PLIN4: variants seen among roughly 807,000 people sequenced by gnomAD.
PLIN4 encodes perilipin-4.
PLIN4 carries 57 observed loss-of-function variants against 52.4 expected under a neutral mutation model. The observed-to-expected ratio is 1.09, with a 90% confidence interval of 0.88 to 1.36. The LOEUF (loss-of-function observed/expected upper bound fraction) is 1.36, where lower values mean the gene tolerates loss of function less well. Ranked by LOEUF, PLIN4 falls within the 40% of genes most tolerant of loss-of-function variation. The pLI is 0.00. For missense variants in PLIN4, 1,757 were observed against 1,770.3 expected (o/e 0.99, Z 0.13); for synonymous variants, 826 against 785.4 (o/e 1.05, Z -0.86).
rs970156300 is a variant in PLIN4 at position 4,503,262 on chromosome 19, G to C, written c.*1197C>G. 1 of 152,480 alleles carries C rather than the reference G, an allele frequency of 6.6e-6. No homozygotes were observed. Among genetic ancestry groups the C allele is most frequent in the Non-Finnish European group, 1.5e-5 (1 of 68,256 alleles). The allele number at this position is 152,480 out of a possible 1,614,324, so 9.4% of individuals were successfully genotyped here. On this transcript the variant is annotated 3_prime_UTR_variant, in exon 8 of 8. Coordinates refer to ENST00000301286, the MANE Select transcript of PLIN4 (RefSeq NM_001367868.2). ...GGGGACGACAAGGTTCTCTTACCGG[G>C]TGAGTGGGGATATGGCTTCCTGGGG...
intron 2 of PLIN4, among the ~76,000 whole-genome samples, 165 bp from the exon 3 acceptor site, chr19:4,517,863 T>C (rs894107979): frequency 1.3e-5 from 2 of 152,288 alleles, no homozygotes; most frequent in Admixed American, 6.5e-5. Context: ...ACCTGGGCAA[T>C]GGGCAGACTC....
intron 5 of PLIN4, among the ~76,000 whole-genome samples, chr19:4,509,775 A>G (rs1976229059): frequency 1.3e-5 from 2 of 151,914 alleles, no homozygotes; most frequent in Admixed American, 1.3e-4. Flanking sequence ...CAAAAAACAT[A>G]CAAAAAAATA....
At position 4,512,150 on chromosome 19, in the gene PLIN4, C is replaced by T; in HGVS notation, c.1810G>A (p.Gly604Arg). 1 of 1,609,982 alleles carries T rather than the reference C, an allele frequency of 6.2e-7. No homozygotes were observed. The highest frequency in any genetic ancestry group is 2.2e-5 in the East Asian group (1 of 44,774). Residue 604 changes from glycine to arginine, a missense_variant, in exon 5 of 8, where the codon GGG becomes AGG. Coordinates refer to ENST00000301286, the MANE Select transcript of PLIN4 (RefSeq NM_001367868.2). ...LTGTKDTVTT[G>R]LVGAVNVAKG... ...GCGACATTCACTGCCCCCACGAGCC[C>T]AGTAGTCACTGTGTCCTTGGTGCCG...
rs771944313 is a variant in PLIN4 at position 4,510,494 on chromosome 19, A to G, written c.3466T>C (p.Leu1156=). Residue 1156 remains leucine (L), a synonymous_variant, in exon 5 of 8, where the codon TTG becomes CTG. Coordinates refer to ENST00000301286, the MANE Select transcript of PLIN4 (RefSeq NM_001367868.2). The part of the protein sequence containing the change: ...APRLAMLQNE[L]EGLGDIFHPM... ...TGGAAGATGTCCCCCAGCCCCTCCA[A>G]CTCATTCTGCAGCATTGCCAAGCGT... The G allele has an allele frequency of 6.8e-6, 10 of 1,463,050 alleles. No individual in the cohort carries two copies. The highest frequency in any genetic ancestry group is 6.3e-6 in the Non-Finnish European group (7 of 1,106,582). The allele number at this position is 1,463,050 out of a possible 1,614,324, so 90.6% of individuals were successfully genotyped here. A position where few individuals can be genotyped will look rare whatever the true frequency, so the allele number is the denominator to read the frequency against.
chr19:4,514,059 T>C (rs2145296656), intron 4 of PLIN4, among the ~76,000 whole-genome samples: 1 of 152,374 alleles, frequency 6.6e-6, no homozygotes, highest in Non-Finnish European at 1.5e-5. Context: ...ACGCAGGTCC[T>C]ACAGTTACAT....
intron 6 of PLIN4, among the ~76,000 whole-genome samples, chr19:4,507,041 G>T (rs1024100852): frequency 6.6e-6 from 1 of 152,172 alleles, no homozygotes; most frequent in African/African-American, 2.4e-5. Context: ...TCTCCACCAG[G>T]GGCTTCCCCC....
chr19:4,507,832 G>A (rs1422554931), intron 6 of PLIN4, among the ~76,000 whole-genome samples: 1 of 152,120 alleles, frequency 6.6e-6, no homozygotes, highest in Non-Finnish European at 1.5e-5. Context: ...GCTCCCTGCA[G>A]GGACCAGGAT....
intron 5 of PLIN4, among the ~76,000 whole-genome samples, chr19:4,509,627 A>C (rs1976224289): frequency 1.3e-5 from 2 of 152,030 alleles, no homozygotes; most frequent in African/African-American, 4.8e-5. Flanking sequence ...TCTGCCTCAA[A>C]AATAAATAAG....
At position 4,510,770 on chromosome 19, in the gene PLIN4, A is replaced by C. The variant is rs1258690672; in HGVS notation, c.3190T>G (p.Trp1064Gly). The change falls in exon 5 of 8, where the codon TGG becomes GGG. Residue 1064 changes from tryptophan (W) to glycine (G), a missense_variant. Around this residue, in one of 7 missense-constraint regions of PLIN4, gnomAD observed 712 missense variants for 637.1 expected, o/e 1.12. Transcript: ENST00000301286. ...GTCCTGGAACTGGTGAGTCCACCCC[A>C]GGAGGTGGCGGGGGTACTAGGTAAC... ...NWLPSTPATS[W>G]GGLTSSRTTD... 1 of 1,577,284 alleles carries C rather than the reference A, an allele frequency of 6.3e-7. No individual in the cohort carries two copies. The highest frequency in any genetic ancestry group is 8.6e-7 in the Non-Finnish European group (1 of 1,159,058).
rs2145234071 is a variant in PLIN4 at position 4,502,806 on chromosome 19, T to G, written c.*1653A>C. On this transcript the variant is annotated 3_prime_UTR_variant, in exon 8 of 8. Transcript: ENST00000301286. ...AGCAAGTCACCCCGTGCTCCGAAGT[T>G]GCTCATTCCACAGTGGCGTCTCGTG... 1 of 152,858 alleles carries G rather than the reference T, an allele frequency of 6.5e-6. No homozygotes were observed. Among genetic ancestry groups the G allele is most frequent in the East Asian group, 1.9e-4 (1 of 5,184 alleles). 9.5% of individuals were successfully genotyped at this position (152,858 alleles called of 1,614,324 possible).
chr19:4,516,007 G>T (rs2145302892), intron 4 of PLIN4, among the ~76,000 whole-genome samples: 1 of 150,528 alleles, frequency 6.6e-6, no homozygotes, highest in South Asian at 2.1e-4. Context: ...AGGCGCAGTG[G>T]CTAATGCCTG....
intron 4 of PLIN4, among the ~76,000 whole-genome samples, chr19:4,513,913 G>A (rs935971603): frequency 8.5e-5 from 13 of 152,164 alleles, no homozygotes; most frequent in African/African-American, 3.1e-4. Flanking sequence ...CTGGCTCTCC[G>A]GGATGAAGTC....
chr19:4,512,467 G>C lies in PLIN4; in HGVS notation c.1493C>G (p.Thr498Ser). Reference sequence around the variant, plus strand: ...GAGCCCAGTGGACACAGCATCTTTAGTGCCAGTCAGGACAGACTTTGTAGT... The same window carrying C: ...GAGCCCAGTGGACACAGCATCTTTACTGCCAGTCAGGACAGACTTTGTAGT... ...LDTTKSVLTGTKDAVSTGLTG... is the reference protein window; with the variant it reads ...LDTTKSVLTGSKDAVSTGLTG... The change falls in exon 5 of 8, where the codon ACT becomes AGT. Residue 498 changes from threonine to serine, a missense_variant. Coordinates refer to ENST00000301286, the MANE Select transcript of PLIN4 (RefSeq NM_001367868.2). 1 of 1,605,854 alleles carries C rather than the reference G, an allele frequency of 6.2e-7. No homozygotes were observed. Among genetic ancestry groups the C allele is most frequent in the African/African-American group, 1.4e-5 (1 of 73,534 alleles).
rs73920825 is a variant in PLIN4, at chr19:4,511,713, T to C, written c.2247A>G (p.Gln749=). 0.84 allele frequency: 1,097,855 copies of C among 1,308,392 alleles called. 446,013 individuals carry two copies. Among genetic ancestry groups the C allele is most frequent in the East Asian group, 0.91 (30,172 of 33,106 alleles). The allele number at this position is 1,308,392 out of a possible 1,614,324, so 81.0% of individuals were successfully genotyped here. Residue 749 remains glutamine (Q), a synonymous_variant, in exon 5 of 8, where the codon CAA becomes CAG. Transcript: ENST00000301286. The part of the protein sequence containing the change: ...GAANVAKGAI[Q]GGLDTTKSVL... ...CAGACTTTGTAGTGTCCAGGCCCCCTTGGATGGCCCCTTTGGCCACATTCG... is the reference window on the plus strand; with the variant it reads ...CAGACTTTGTAGTGTCCAGGCCCCCCTGGATGGCCCCTTTGGCCACATTCG...
Position 4,516,609 on chromosome 19 carries a change from C to T in PLIN4, c.258+8G>A, listed in dbSNP as rs779750853. ...CCACATCAGACCCTGCCCTGCACAT[C>T]CTCTCACCTTTTCCGAAGGTTGCAG... On this transcript the variant is annotated splice_region_variant and intron_variant, in intron 4 of 7. Coordinates refer to ENST00000301286, the MANE Select transcript of PLIN4 (RefSeq NM_001367868.2). 1.3e-5 allele frequency: 21 copies of T among 1,601,410 alleles called. No individual in the cohort carries two copies. The highest frequency in any genetic ancestry group is 6.9e-5 in the Admixed American group (4 of 58,340).
At chr19:4,513,819 G>C in intron 4 of PLIN4, 118 bp from the exon 5 acceptor site, 1 of 1,289,964 alleles carries the variant, frequency 7.8e-7, no homozygotes, top group African/African-American at 1.5e-5. Flanking sequence ...GCACCCAGAG[G>C]CCCCACCTCC....
At position 4,502,418 on chromosome 19, in the gene PLIN4, CAAGAGGGACAA is replaced by C. The variant is rs1975943273; in HGVS notation, c.*2030_*2040del. ...GCGGGAGCAAGCTCTTCCCAGGAGACAAGAGGGACAAACCAGGGCATCTAAGCTGTGCTGCC... is the reference window on the plus strand; with the variant it reads ...GCGGGAGCAAGCTCTTCCCAGGAGACACCAGGGCATCTAAGCTGTGCTGCC... On this transcript the variant is annotated 3_prime_UTR_variant, in exon 8 of 8. Coordinates refer to ENST00000301286, the MANE Select transcript of PLIN4 (RefSeq NM_001367868.2). The C allele has an allele frequency of 2.9e-6, 1 of 339,352 alleles. No individual in the cohort carries two copies. Among genetic ancestry groups the C allele is most frequent in the African/African-American group, 2.2e-5 (1 of 45,314 alleles). The allele number at this position is 339,352 out of a possible 1,614,324, so 21.0% of individuals were successfully genotyped here. A position where few individuals can be genotyped will look rare whatever the true frequency, so the allele number is the denominator to read the frequency against.
intron 2 of PLIN4, 131 bp downstream of exon 2, chr19:4,518,091 A>G: frequency 1.2e-6 from 1 of 805,030 alleles, no homozygotes; most frequent in South Asian, 5.3e-5. Flanking sequence ...CATGGCTCCC[A>G]GACCGCCCCC....
At chr19:4,509,689 C>T (rs1271017320) in intron 5 of PLIN4, among the ~76,000 whole-genome samples, 1 of 152,168 alleles carries the variant, frequency 6.6e-6, no homozygotes, top group East Asian at 1.9e-4. Context: ...CCTGTAATCC[C>T]AGCACTTTGG....
Sources: allele counts gnomAD v4.1 joint callset (sites outside exome capture counted in the v4.1 genomes callset), GRCh38; gene constraint gnomAD v4.1.1; regional missense constraint gnomAD v4.1.1; transcripts MANE v1.5; gene names NCBI Gene and HGNC (gene_info 2026-07-23, HGNC 2026-07-21).